Variants in PPP1R1C observed in about 807,000 individuals in gnomAD.
The protein encoded by PPP1R1C is protein phosphatase 1 regulatory inhibitor subunit 1C, also known as protein phosphatase 1 regulatory subunit 1C.
A neutral mutation model predicts 17.4 loss-of-function variants in PPP1R1C; 15 were observed. That is an observed-to-expected ratio of 0.86 (90% CI 0.58 to 1.33). The LOEUF (loss-of-function observed/expected upper bound fraction) is 1.33. PPP1R1C is among the 40% of genes most tolerant of loss of function. The pLI is 0.00. For synonymous variants in PPP1R1C, 35 were observed against 43.1 expected, an observed-to-expected ratio of 0.81 and a Z score of 0.73; for missense variants, 143 against 130.0, an observed-to-expected ratio of 1.10 and a Z score of -0.48.
rs67129466 is a variant in PPP1R1C, at chr2:181,977,132, T to TAAA, written n.157+1907_157+1909dup. Among the ~76,000 whole-genome samples the TAAA allele has an allele frequency of 1.4e-3, 27 of 19,844 alleles. 3 individuals are homozygous for TAAA. Among genetic ancestry groups the TAAA allele is most frequent in the Non-Finnish European group, 1.6e-3 (14 of 8,572 alleles). 13.0% of individuals were successfully genotyped at this position (19,844 alleles called of 152,430 possible). A position where few individuals can be genotyped will look rare whatever the true frequency, so the allele number is the denominator to read the frequency against. ...CTGGGCAACAGAGTGAGAATCTATC[T>TAAA]AAAAAAAAAAAAAAAAAAAAAAAAA... On this transcript the variant is annotated intron_variant and non_coding_transcript_variant, in intron 2 of 5. Transcript: ENST00000464264.
chr2:181,997,822 A>G (rs1350852575), intron 2 of PPP1R1C, among the ~76,000 whole-genome samples: 1 of 152,218 alleles, frequency 6.6e-6, no homozygotes, highest in African/African-American at 2.4e-5. Context: ...TTTGAAGACA[A>G]CTTTTCAACT....
At chr2:181,989,688 G>T (rs2125141396) in intron 2 of PPP1R1C, among the ~76,000 whole-genome samples, 1 of 152,006 alleles carries the variant, frequency 6.6e-6, no homozygotes, top group Middle Eastern at 3.4e-3. Flanking sequence ...ATTACTAGAT[G>T]GCATTGTCCC....
At chr2:182,090,560 T>C (rs1012237063) in intron 4 of PPP1R1C, among the ~76,000 whole-genome samples, 2 of 152,198 alleles carry the variant, frequency 1.3e-5, no homozygotes, top group Non-Finnish European at 2.9e-5. Flanking sequence ...AATGACTAGA[T>C]GAGTTCATTT....
chr2:182,046,093 TTTCCTTCCTTCCTTCCTTCC>T (rs56180506), intron 2 of PPP1R1C, among the ~76,000 whole-genome samples: 93,172 of 144,018 alleles, frequency 0.65, 31,100 homozygotes, highest in Non-Finnish European at 0.75. Flanking sequence ...CCCTCCTACA[TTTCCTTCCTTCCTTCCTTCC>T]TTCCTTCCTT....
At chr2:182,015,170 C>T (rs537991149) in intron 2 of PPP1R1C, among the ~76,000 whole-genome samples, 79 of 152,258 alleles carry the variant, frequency 5.2e-4, no homozygotes, top group African/African-American at 1.8e-3. Context: ...TGAATTGTAG[C>T]TTCCATAATT....
At position 181,962,969 on chromosome 2, in the gene PPP1R1C, A is replaced by C. The variant is rs1292453586; in HGVS notation, n.111+8335A>C. On this transcript the variant is annotated intron_variant and non_coding_transcript_variant, in intron 1 of 5. Coordinates refer to the PPP1R1C transcript ENST00000464264. This position sits in a 1 kb window ranked among gnomAD's most constrained non-coding sequence, Gnocchi z 6.0. ...TGGGTAGTATACAAGGTAATATACAACACAGAGCAGGGCTGCCGATCCCCA... is the reference window on the plus strand; with the variant it reads ...TGGGTAGTATACAAGGTAATATACACCACAGAGCAGGGCTGCCGATCCCCA... Among the ~76,000 whole-genome samples, 2 of 152,298 alleles carry C rather than the reference A, an allele frequency of 1.3e-5. No homozygotes were observed. Among genetic ancestry groups the C allele is most frequent in the Admixed American group, 1.3e-4 (2 of 15,304 alleles).
At chr2:182,102,977 AT>A (rs1290325725) in intron 4 of PPP1R1C, among the ~76,000 whole-genome samples, 1 of 151,478 alleles carries the variant, frequency 6.6e-6, no homozygotes, top group African/African-American at 2.4e-5. Flanking sequence ...TGGCTGATTT[AT>A]TTTTTTATAG....
chr2:182,013,158 T>C (rs949029223), intron 2 of PPP1R1C, among the ~76,000 whole-genome samples: 4 of 152,186 alleles, frequency 2.6e-5, no homozygotes, highest in African/African-American at 9.6e-5. Flanking sequence ...TGCTCATTAA[T>C]GTTCTTTTCT....
rs60916502 is a variant in PPP1R1C, at chr2:182,037,858, C to T, written c.143-23584C>T. On this transcript the variant is annotated intron_variant, in intron 2 of 4. Coordinates refer to ENST00000682840, the MANE Select transcript of PPP1R1C (RefSeq NM_001080545.3). ...TTAAAAGCAAATCACTTCCTCACAA[C>T]TTTATTTCTACACTTTTATTAGATT... is the stretch of plus-strand genomic sequence containing the variant. 5.3e-3 allele frequency among the ~76,000 whole-genome samples: 799 copies of T among 152,170 alleles called. 4 individuals carry two copies. Among genetic ancestry groups the T allele is most frequent in the African/African-American group, 0.018 (751 of 41,510 alleles).
chr2:181,963,776 G>C (rs1255245850), intron 1 of PPP1R1C, among the ~76,000 whole-genome samples: 1 of 151,298 alleles, frequency 6.6e-6, no homozygotes, highest in Admixed American at 6.6e-5. Context: ...TATTAACCTA[G>C]AGTTCTTTTT....
At chr2:182,130,938 A>T (rs1267938169), downstream of PPP1R1C, 1 of 152,238 alleles carries the variant, frequency 6.6e-6, no homozygotes, top group South Asian at 2.1e-4. Context: ...CGAGCTACAC[A>T]CTTTTATTGT....
chr2:182,103,449 T>G (rs1382174498), intron 4 of PPP1R1C, among the ~76,000 whole-genome samples: 1 of 152,198 alleles, frequency 6.6e-6, no homozygotes, highest in African/African-American at 2.4e-5. Context: ...TCTATGGAGT[T>G]TGTTAAAATC....
intron 2 of PPP1R1C, among the ~76,000 whole-genome samples, chr2:181,980,797 A>T (rs866356200): frequency 6.6e-6 from 1 of 152,232 alleles, no homozygotes; most frequent in South Asian, 2.1e-4. Flanking sequence ...TATGTAACAC[A>T]CTAATAATTC....
chr2:182,033,814 A>G (rs1018065195), intron 2 of PPP1R1C, among the ~76,000 whole-genome samples: 3 of 152,194 alleles, frequency 2.0e-5, no homozygotes, highest in Admixed American at 2.0e-4. Context: ...GGCCCGCCAC[A>G]ATGTTTCCTA....
intron 2 of PPP1R1C, among the ~76,000 whole-genome samples, chr2:182,042,630 A>G (rs1006157905): frequency 6.6e-6 from 1 of 152,182 alleles, no homozygotes; most frequent in African/African-American, 2.4e-5. Context: ...GAGAAAGAGG[A>G]AAGATGCATG....
chr2:182,031,880 T>C (rs1404687415), intron 2 of PPP1R1C, among the ~76,000 whole-genome samples: 1 of 152,214 alleles, frequency 6.6e-6, no homozygotes, highest in Non-Finnish European at 1.5e-5. Flanking sequence ...TTAGGAAGCA[T>C]GTATGTATGA....
chr2:182,067,553 C>A (rs1328401177), intron 4 of PPP1R1C, among the ~76,000 whole-genome samples: 2 of 152,076 alleles, frequency 1.3e-5, no homozygotes, highest in Admixed American at 1.3e-4. Context: ...ATGGTGATTT[C>A]CTGGAACTCA....
intron 2 of PPP1R1C, among the ~76,000 whole-genome samples, chr2:182,019,316 TTCTC>T (rs1686348235): frequency 6.6e-6 from 1 of 152,132 alleles, no homozygotes; most frequent in South Asian, 2.1e-4. Flanking sequence ...GCAAAGTACT[TTCTC>T]TCATCAAATA....
chr2:182,074,687 A>G (rs114952097), intron 4 of PPP1R1C, among the ~76,000 whole-genome samples: 1 of 152,316 alleles, frequency 6.6e-6, no homozygotes, highest in African/African-American at 2.4e-5. Flanking sequence ...CTGAACTTCA[A>G]AAAGGAGCCT....
Sources: allele counts gnomAD v4.1 joint callset (sites outside exome capture counted in the v4.1 genomes callset), GRCh38; gene constraint gnomAD v4.1.1; non-coding constraint Gnocchi (gnomAD v3.1); transcripts MANE v1.5; gene names NCBI Gene and HGNC (gene_info 2026-07-23, HGNC 2026-07-21).